SEPTIN9: variants seen among roughly 807,000 people sequenced by gnomAD.
SEPTIN9 encodes the protein septin 9, also known as septin-9.
A neutral mutation model predicts 56.6 loss-of-function variants in SEPTIN9; 13 were observed. The observed-to-expected ratio is 0.23, with a 90% CI of 0.15 to 0.37. The LOEUF (loss-of-function observed/expected upper bound fraction) is 0.37, where lower values mean the gene tolerates loss of function less well. Ranked by LOEUF, SEPTIN9 falls within the 10% of genes least tolerant of loss-of-function variation. The pLI is 1.00. For synonymous variants in SEPTIN9, 332 were observed against 334.1 expected (o/e 0.99, Z 0.07); for missense variants, 650 against 823.1 (o/e 0.79, Z 2.57).
chr17:77,429,338 A>G lies in SEPTIN9; in HGVS notation c.721+26635A>G, dbSNP rs971447363. On this transcript the variant is annotated intron_variant, in intron 3 of 11. Transcript: ENST00000427177. This position sits in a 1 kb window ranked among gnomAD's most constrained non-coding sequence, Gnocchi z 5.2. ...TCGCCACGACTGGCTCCTGCAGCCC[A>G]CCTGGCTGAGAGGTGTGCTGGCTCT... 3 of 463,846 alleles carry G rather than the reference A, an allele frequency of 6.5e-6. No individual in the cohort carries two copies. Among genetic ancestry groups the G allele is most frequent in the Non-Finnish European group, 9.0e-6 (2 of 221,882 alleles). The allele number at this position is 463,846 out of a possible 1,614,324, so 28.7% of individuals were successfully genotyped here.
intron 3 of SEPTIN9, among the ~76,000 whole-genome samples, chr17:77,462,859 C>T (rs1463928696): frequency 6.6e-6 from 1 of 152,162 alleles, no homozygotes; most frequent in Non-Finnish European, 1.5e-5. Context: ...CCAGGCTGTT[C>T]TTCAACTCCT....
chr17:77,446,199 C>T (rs1198931216), intron 3 of SEPTIN9: 2 of 167,126 alleles, frequency 1.2e-5, no homozygotes, highest in African/African-American at 2.4e-5. Flanking sequence ...CGATCAGTCT[C>T]ACCGGACTAA....
At chr17:77,390,326 G>A (rs537150996) in intron 2 of SEPTIN9, among the ~76,000 whole-genome samples, 8 of 108,420 alleles carry the variant, frequency 7.4e-5, no homozygotes, top group Admixed American at 3.4e-4. Context: ...CAGCCTGGGC[G>A]ACAGAGCAAG....
rs769639093 is a variant in SEPTIN9, at chr17:77,450,025, G to C, written c.722-32119G>C. Among the ~76,000 whole-genome samples, 9 of 152,054 alleles carry C rather than the reference G, an allele frequency of 5.9e-5. No homozygotes were observed. The highest frequency in any genetic ancestry group is 1.9e-4 in the African/African-American group (8 of 41,440). ...CCATTCAGATGGGAACAGGGACTCC[G>C]GGCATGCAGTCTTCTCCCAGACACT... is the stretch of plus-strand genomic sequence containing the variant. On this transcript the variant is annotated intron_variant, in intron 3 of 11. Transcript: ENST00000427177. This position sits in a 1 kb window ranked among gnomAD's most constrained non-coding sequence, Gnocchi z 6.0.
In SEPTIN9 at chr17:77,500,450, A is replaced by G; in HGVS notation, c.*1792A>G. 1 of 224,922 alleles carries G rather than the reference A, an allele frequency of 4.4e-6. No homozygotes were observed. The highest frequency in any genetic ancestry group is 8.9e-6 in the Non-Finnish European group (1 of 112,592). 13.9% of individuals were successfully genotyped at this position (224,922 alleles called of 1,614,324 possible). On this transcript the variant is annotated 3_prime_UTR_variant, in exon 12 of 12. Coordinates refer to ENST00000427177, the MANE Select transcript of SEPTIN9 (RefSeq NM_001113491.2). ...CTTCACTTTCCTTCTCTGTAACCAGACTTTGAAAAATTGTTCGTTTCATCA... is the reference window on the plus strand; with the variant it reads ...CTTCACTTTCCTTCTCTGTAACCAGGCTTTGAAAAATTGTTCGTTTCATCA...
chr17:77,446,278 T>G (rs1894107753), intron 3 of SEPTIN9: 1 of 167,104 alleles, frequency 6.0e-6, no homozygotes, highest in African/African-American at 2.4e-5. Flanking sequence ...CTGGAGTTCC[T>G]TGGCTTGCGG....
intron 3 of SEPTIN9, among the ~76,000 whole-genome samples, chr17:77,417,661 C>T (rs769736107): frequency 3.3e-5 from 5 of 152,166 alleles, no homozygotes; most frequent in African/African-American, 1.2e-4. Context: ...AGACAAGGGC[C>T]GGTAAGTGGA....
rs2034798840 is a variant in SEPTIN9 at position 77,373,542 on chromosome 17, G to A, written c.77-28517G>A. The A allele has an allele frequency of 1.9e-6, 3 of 1,545,902 alleles. No individual in the cohort carries two copies. In the South Asian group the frequency reaches 3.6e-5, roughly 19 times the overall value. ...ACGCGCAGCTGGATGGGATCATTTC[G>A]GACTTCGAAGGTGGGTGCTGGGCTG... On this transcript the variant is annotated intron_variant, in intron 2 of 11. Transcript: ENST00000427177.
intron 1 of SEPTIN9, among the ~76,000 whole-genome samples, chr17:77,299,277 G>A (rs1232076678): frequency 6.6e-6 from 1 of 152,176 alleles, no homozygotes; most frequent in African/African-American, 2.4e-5. Context: ...AGCTGTCTCT[G>A]TGCTCCTCTG....
Position 77,476,810 on chromosome 17 carries a change from G to A in SEPTIN9, c.722-5334G>A, listed in dbSNP as rs2039232177. Among the ~76,000 whole-genome samples the A allele has an allele frequency of 6.6e-6, 1 of 152,226 alleles. No homozygotes were observed. Among genetic ancestry groups the A allele is most frequent in the Non-Finnish European group, 1.5e-5 (1 of 68,044 alleles). ...AGATGGGGGAGTTTGTCTGGGGCAT[G>A]GTCTGGCGACACCAACTTGAGAACC... On this transcript the variant is annotated intron_variant, in intron 3 of 11. Coordinates refer to ENST00000427177, the MANE Select transcript of SEPTIN9 (RefSeq NM_001113491.2). This position sits in a 1 kb window ranked among gnomAD's most constrained non-coding sequence, Gnocchi z 6.0.
At chr17:77,398,039 T>A (rs2035782193) in intron 2 of SEPTIN9, among the ~76,000 whole-genome samples, 2 of 150,140 alleles carry the variant, frequency 1.3e-5, no homozygotes, top group South Asian at 4.2e-4. Context: ...AGTGGTGTGA[T>A]CATGGCTCAC....
At chr17:77,374,967 A>T (rs915899931) in intron 2 of SEPTIN9, 1 of 152,172 alleles carries the variant, frequency 6.6e-6, no homozygotes, top group African/African-American at 2.4e-5. Flanking sequence ...TTCAGGCTCT[A>T]TCCCTTTGCA....
At chr17:77,378,398 A>G (rs1451405026) in intron 2 of SEPTIN9, among the ~76,000 whole-genome samples, 1 of 152,078 alleles carries the variant, frequency 6.6e-6, no homozygotes, top group Admixed American at 6.5e-5. Context: ...GGGGTTAGAA[A>G]CAGCTCTCTT....
chr17:77,475,206 G>T lies in SEPTIN9; in HGVS notation c.722-6938G>T. On this transcript the variant is annotated intron_variant, in intron 3 of 11. Transcript: ENST00000427177. This position sits in a 1 kb window ranked among gnomAD's most constrained non-coding sequence, Gnocchi z 4.6. ...CTGGCTTCACAAACCCTGTGTGGGG[G>T]GGTTGTGGTGAGAGGAAACCGCACA... 1 of 1,234,820 alleles carries T rather than the reference G, an allele frequency of 8.1e-7. No homozygotes were observed. The highest frequency in any genetic ancestry group is 1.0e-6 in the Non-Finnish European group (1 of 983,522). 76.5% of individuals were successfully genotyped at this position (1,234,820 alleles called of 1,614,324 possible). A position where few individuals can be genotyped will look rare whatever the true frequency, so the allele number is the denominator to read the frequency against.
intron 1 of SEPTIN9, chr17:77,287,874 G>T: frequency 1.9e-6 from 2 of 1,030,270 alleles, no homozygotes; most frequent in Non-Finnish European, 2.3e-6. Context: ...AATGTAAGAT[G>T]ATCCCAGCTT....
chr17:77,303,613 G>A (rs1005083704), intron 1 of SEPTIN9, among the ~76,000 whole-genome samples: 3 of 151,698 alleles, frequency 2.0e-5, no homozygotes, highest in East Asian at 3.9e-4. Context: ...CTTGGGAGGC[G>A]GAGGTTGCGG....
intron 4 of SEPTIN9, among the ~76,000 whole-genome samples, chr17:77,486,165 T>C (rs367896): frequency 0.56 from 85,588 of 151,786 alleles, 25,203 homozygotes; most frequent in African/African-American, 0.75. Context: ...GGAGTGGCAA[T>C]GATCCTAGCT....
At chr17:77,291,121 C>T (rs1056828652) in intron 1 of SEPTIN9, among the ~76,000 whole-genome samples, 1 of 149,438 alleles carries the variant, frequency 6.7e-6, no homozygotes, top group Non-Finnish European at 1.5e-5. Context: ...CTGCAACCCC[C>T]GGCTCCTGGA....
intron 1 of SEPTIN9, among the ~76,000 whole-genome samples, chr17:77,300,362 A>G (rs1337792643): frequency 1.3e-5 from 2 of 151,976 alleles, no homozygotes; most frequent in Non-Finnish European, 2.9e-5. Flanking sequence ...CCACAGCCCC[A>G]CGTGTCAGCC....
Sources: allele counts gnomAD v4.1 joint callset (sites outside exome capture counted in the v4.1 genomes callset), GRCh38; gene constraint gnomAD v4.1.1; non-coding constraint Gnocchi (gnomAD v3.1); transcripts MANE v1.5; gene names NCBI Gene and HGNC (gene_info 2026-07-23, HGNC 2026-07-21).